The following ATP8A2 variants were observed in gnomAD, a reference collection of about 807,000 sequenced individuals.
ATP8A2 encodes ATPase phospholipid transporting 8A2.
ATP8A2 carries 100 observed loss-of-function variants against 165.6 expected under a neutral mutation model. The ratio of observed to expected loss-of-function variants is 0.60; its 90% CI spans 0.51 to 0.71. The LOEUF (loss-of-function observed/expected upper bound fraction) is 0.71. Among genes scored for constraint, ATP8A2 ranks in the 30% least tolerant of loss-of-function variants. The pLI, the probability that ATP8A2 is intolerant of heterozygous loss-of-function variation, is 0.00. For synonymous variants in ATP8A2, 543 were observed against 548.8 expected (o/e 0.99, Z 0.15); for missense variants, 1,227 against 1,479.5 (o/e 0.83, Z 2.80).
chr13:25,431,322 AT>A, intron 1 of ATP8A2, among the ~76,000 whole-genome samples: 1 of 151,730 alleles, frequency 6.6e-6, no homozygotes. Context: ...CTAATTTTAT[AT>A]TTTTTAGTAG....
chr13:25,680,830 A>G (rs191260446), intron 24 of ATP8A2, among the ~76,000 whole-genome samples: 2 of 152,226 alleles, frequency 1.3e-5, no homozygotes, highest in African/African-American at 4.8e-5. Flanking sequence ...AGTTCCTGGC[A>G]TTTGGGTTTA....
At chr13:25,719,535 C>G (rs999376078) in intron 25 of ATP8A2, among the ~76,000 whole-genome samples, 1 of 152,058 alleles carries the variant, frequency 6.6e-6, no homozygotes, top group Non-Finnish European at 1.5e-5. Context: ...TTGCAGCAAG[C>G]ATTCCCAGAA....
chr13:25,754,524 T>C (rs1234937919), intron 25 of ATP8A2, among the ~76,000 whole-genome samples: 3 of 152,226 alleles, frequency 2.0e-5, no homozygotes, highest in Non-Finnish European at 2.9e-5. Flanking sequence ...TGACTGGAAA[T>C]TAATACCTTC....
chr13:25,879,837 A>G (rs1204999788), intron 33 of ATP8A2, among the ~76,000 whole-genome samples: 1 of 152,214 alleles, frequency 6.6e-6, no homozygotes, highest in East Asian at 1.9e-4. Flanking sequence ...AGTTAGGAGG[A>G]AAATCCTAGA....
intron 1 of ATP8A2, among the ~76,000 whole-genome samples, chr13:25,446,442 T>C (rs1427110901): frequency 6.6e-6 from 1 of 152,236 alleles, no homozygotes; most frequent in East Asian, 1.9e-4. Flanking sequence ...TTTACTGTCA[T>C]AGGCATTCAA....
intron 1 of ATP8A2, among the ~76,000 whole-genome samples, chr13:25,398,401 C>G (rs1256015152): frequency 6.6e-6 from 1 of 152,184 alleles, no homozygotes; most frequent in African/African-American, 2.4e-5. Flanking sequence ...CCCCTCCTTC[C>G]TATCATGGCC....
intron 25 of ATP8A2, among the ~76,000 whole-genome samples, chr13:25,742,755 G>C (rs2043944570): frequency 6.7e-6 from 1 of 148,778 alleles, no homozygotes; most frequent in Non-Finnish European, 1.5e-5. Flanking sequence ...CTCATGACCA[G>C]AGATTCTAGA....
intron 25 of ATP8A2, among the ~76,000 whole-genome samples, chr13:25,765,222 T>C (rs1007962606): frequency 9.2e-5 from 14 of 152,236 alleles, no homozygotes; most frequent in African/African-American, 3.4e-4. Context: ...AGAATACTTC[T>C]CCAGTCAACT....
chr13:25,717,647 A>C (rs959463942), intron 25 of ATP8A2, among the ~76,000 whole-genome samples: 2 of 152,220 alleles, frequency 1.3e-5, no homozygotes, highest in African/African-American at 4.8e-5. Flanking sequence ...TTCTAACTAA[A>C]TGTTTAATGA....
chr13:25,710,315 A>G (rs148381273), intron 25 of ATP8A2, among the ~76,000 whole-genome samples: 6 of 152,254 alleles, frequency 3.9e-5, no homozygotes, highest in African/African-American at 9.6e-5. Flanking sequence ...TATACAATAA[A>G]TTATTGTTAA....
chr13:25,386,017 G>A (rs1413756230), intron 1 of ATP8A2, among the ~76,000 whole-genome samples: 1 of 151,698 alleles, frequency 6.6e-6, no homozygotes, highest in Non-Finnish European at 1.5e-5. Flanking sequence ...CTGGGTTCTA[G>A]CGATTCTCCT....
intron 1 of ATP8A2, among the ~76,000 whole-genome samples, chr13:25,455,234 G>C (rs918001960): frequency 6.6e-6 from 1 of 152,174 alleles, no homozygotes; most frequent in Non-Finnish European, 1.5e-5. Context: ...GACCTGATAC[G>C]AGACTCCTTG....
intron 24 of ATP8A2, among the ~76,000 whole-genome samples, chr13:25,611,645 T>C (rs2040690395): frequency 6.6e-6 from 1 of 152,156 alleles, no homozygotes. Flanking sequence ...GGTATTAGGG[T>C]GACACTGGCT....
chr13:25,433,461 C>G (rs936164486), intron 1 of ATP8A2, among the ~76,000 whole-genome samples: 5 of 151,916 alleles, frequency 3.3e-5, no homozygotes, highest in Non-Finnish European at 1.5e-5. Context: ...TCTGTAGAGA[C>G]GGGGGTCTTG....
chr13:25,507,523 G>C (rs61396562), intron 2 of ATP8A2, among the ~76,000 whole-genome samples: 97,180 of 151,792 alleles, frequency 0.64, 32,178 homozygotes, highest in Middle Eastern at 0.72. Context: ...TCCTTGGCGT[G>C]CCAAAGTGCT....
At chr13:25,976,990 CT>C (rs1186656856) in intron 35 of ATP8A2, among the ~76,000 whole-genome samples, 7 of 150,268 alleles carry the variant, frequency 4.7e-5, no homozygotes, top group Non-Finnish European at 8.9e-5. Context: ...GTTTCACCAT[CT>C]TGGCCAGGCT....
At chr13:25,638,486 C>A (rs1422275832) in intron 24 of ATP8A2, among the ~76,000 whole-genome samples, 2 of 152,116 alleles carry the variant, frequency 1.3e-5, no homozygotes, top group African/African-American at 4.8e-5. Flanking sequence ...CCGATTCGAT[C>A]AACTGGAAGA....
intron 24 of ATP8A2, among the ~76,000 whole-genome samples, chr13:25,685,072 G>A (rs2042572900): frequency 6.6e-6 from 1 of 152,088 alleles, no homozygotes; most frequent in Non-Finnish European, 1.5e-5. Flanking sequence ...CCTGCTTGTG[G>A]TTCCTCCCCA....
At chr13:25,898,610 C>T (rs997997611) in intron 33 of ATP8A2, among the ~76,000 whole-genome samples, 52 of 152,218 alleles carry the variant, frequency 3.4e-4, no homozygotes, top group Non-Finnish European at 5.7e-4. Context: ...TTTGTCTGTG[C>T]CCTGCCCCCA....
Sources: allele counts gnomAD v4.1 joint callset (sites outside exome capture counted in the v4.1 genomes callset), GRCh38; gene constraint gnomAD v4.1.1; transcripts MANE v1.5; gene names NCBI Gene and HGNC (gene_info 2026-07-23, HGNC 2026-07-21).